The following SVOPL variants were observed in gnomAD, a reference collection of about 807,000 sequenced individuals.
SVOPL encodes the protein putative transporter SVOPL.
A neutral mutation model predicts 61.0 loss-of-function variants in SVOPL; 60 were observed. The observed-to-expected ratio is 0.98, with a 90% CI of 0.80 to 1.22. SVOPL has a LOEUF of 1.22. Among genes scored for constraint, SVOPL ranks in the 50% most tolerant of loss-of-function variants. The pLI is 0.00. For synonymous variants in SVOPL, 279 were observed against 250.0 expected, an observed-to-expected ratio of 1.12 and a Z score of -1.09; for missense variants, 662 against 643.9, an observed-to-expected ratio of 1.03 and a Z score of -0.30.
chr7:138,602,441 C>CTGTA (rs1199406238), intron 14 of SVOPL, among the ~76,000 whole-genome samples: 3 of 140,690 alleles, frequency 2.1e-5, no homozygotes, highest in Admixed American at 1.5e-4. Context: ...AAGGCAGTTG[C>CTGTA]TATATATATA....
At position 138,651,464 on chromosome 7, in the gene SVOPL, G is replaced by A. The variant is rs1027281298; in HGVS notation, c.535-2327C>T. Among the ~76,000 whole-genome samples, 6 of 152,184 alleles carry A rather than the reference G, an allele frequency of 3.9e-5. No individual in the cohort carries two copies. In the South Asian group the frequency reaches 1.0e-3, roughly 26 times the overall value. ...CCTTTTAATCGTGCTTTGCTTTAGT[G>A]CACTTTGCAAATATTGCAATTTTTT... On this transcript the variant is annotated intron_variant, in intron 7 of 15. Coordinates refer to ENST00000674285, the MANE Select transcript of SVOPL (RefSeq NM_001139456.2).
At position 138,678,450 on chromosome 7, in the gene SVOPL, A is replaced by G. The variant is rs1429541263; in HGVS notation, c.158T>C (p.Ile53Thr). 3.2e-6 allele frequency: 5 copies of G among 1,551,826 alleles called. No individual in the cohort carries two copies. Among genetic ancestry groups the G allele is most frequent in the Non-Finnish European group, 4.4e-6 (5 of 1,147,042 alleles). The change falls in exon 3 of 16, where the codon ATC becomes ACC. Residue 53 changes from isoleucine to threonine, a missense_variant. By Grantham distance (89) the Ile-to-Thr change is moderately conservative. Transcript: ENST00000674285. ...AGCACTCACCCCAGTACTGCCCATGATCAGAAAGAGGGCAATGTGGAAACG... is the reference window on the plus strand; with the variant it reads ...AGCACTCACCCCAGTACTGCCCATGGTCAGAAAGAGGGCAATGTGGAAACG... ...FGRFHIALFL[I>T]MGSTGVVEAM...
chr7:138,601,800 T>C (rs1241786818), intron 14 of SVOPL, among the ~76,000 whole-genome samples: 1 of 152,178 alleles, frequency 6.6e-6, no homozygotes, highest in Non-Finnish European at 1.5e-5. Flanking sequence ...CCCTCCAACA[T>C]GCTCCTGAGT....
At chr7:138,637,638 T>C (rs1368737591) in intron 9 of SVOPL, among the ~76,000 whole-genome samples, 1 of 151,854 alleles carries the variant, frequency 6.6e-6, no homozygotes, top group East Asian at 1.9e-4. Flanking sequence ...CACAGAGATC[T>C]AACATTTAAA....
At chr7:138,627,814 T>C (rs1165538747) in intron 11 of SVOPL, among the ~76,000 whole-genome samples, 2 of 152,148 alleles carry the variant, frequency 1.3e-5, no homozygotes, top group East Asian at 1.9e-4. Context: ...CATTCAGCCA[T>C]TGATTTTTAA....
intron 7 of SVOPL, 57 bp from the exon 8 acceptor site, chr7:138,649,194 A>G: frequency 6.5e-7 from 1 of 1,535,266 alleles, no homozygotes; most frequent in Non-Finnish European, 8.8e-7. Context: ...CAATGAAAAA[A>G]AAAAAGGAAA....
intron 14 of SVOPL, among the ~76,000 whole-genome samples, chr7:138,614,279 C>G (rs537732939): frequency 6.6e-6 from 1 of 152,226 alleles, no homozygotes; most frequent in African/African-American, 2.4e-5. Context: ...CTACTTTGCT[C>G]TCTTCTGAAG....
intron 5 of SVOPL, chr7:138,662,452 G>T: frequency 1.0e-6 from 1 of 985,412 alleles, no homozygotes; most frequent in Non-Finnish European, 1.2e-6. Flanking sequence ...GGGGGTTAGA[G>T]ACTTTATGGA....
chr7:138,694,182 T>C (rs1803015190), intron 1 of SVOPL, among the ~76,000 whole-genome samples: 1 of 152,262 alleles, frequency 6.6e-6, no homozygotes, highest in Non-Finnish European at 1.5e-5. Context: ...GGACTCATCC[T>C]CATGAGATAG....
intron 4 of SVOPL, among the ~76,000 whole-genome samples, chr7:138,669,127 CT>C (rs1307832452): frequency 3.3e-5 from 5 of 152,208 alleles, no homozygotes; most frequent in Non-Finnish European, 7.3e-5. Flanking sequence ...CTGCAGTTTC[CT>C]TATCTGACCA....
At chr7:138,630,678 C>T (rs978734629) in intron 9 of SVOPL, among the ~76,000 whole-genome samples, 2 of 152,166 alleles carry the variant, frequency 1.3e-5, no homozygotes, top group Admixed American at 6.5e-5. Context: ...TGTGGGGGCT[C>T]ACGCCTGTAA....
intron 1 of SVOPL, among the ~76,000 whole-genome samples, chr7:138,698,048 T>C (rs542101572): frequency 1.1e-4 from 16 of 147,140 alleles, no homozygotes; most frequent in African/African-American, 4.0e-4. Context: ...AGAGGAGAAG[T>C]TGGCAGGAAT....
chr7:138,616,283 G>A (rs1188480055), intron 14 of SVOPL, among the ~76,000 whole-genome samples: 2 of 151,990 alleles, frequency 1.3e-5, no homozygotes, highest in Non-Finnish European at 2.9e-5. Flanking sequence ...GGCAGCCCTT[G>A]ACCTATTGGC....
At chr7:138,655,233 G>A (rs1482869298) in intron 7 of SVOPL, among the ~76,000 whole-genome samples, 2 of 152,210 alleles carry the variant, frequency 1.3e-5, no homozygotes, top group African/African-American at 4.8e-5. Flanking sequence ...GCTGGGCACA[G>A]TGCCTCACGC....
At chr7:138,616,394 T>C (rs1174463187) in intron 14 of SVOPL, among the ~76,000 whole-genome samples, 1 of 151,364 alleles carries the variant, frequency 6.6e-6, no homozygotes, top group Non-Finnish European at 1.5e-5. Context: ...TGGAGTGCAA[T>C]GGCATGATCT....
chr7:138,647,082 TA>T lies in SVOPL; in HGVS notation c.660+1929del, dbSNP rs577246277. The stretch of plus-strand genomic sequence containing the variant: ...TAGGGGCCATAGATTCATACATATT[TA>T]AGAGGATGATGGCCGGGCGCAGTGG... On this transcript the variant is annotated intron_variant, in intron 8 of 15. Coordinates refer to ENST00000674285, the MANE Select transcript of SVOPL (RefSeq NM_001139456.2). Among the ~76,000 whole-genome samples, 17 of 152,196 alleles carry T rather than the reference TA, an allele frequency of 1.1e-4. No individual in the cohort carries two copies. The South Asian group carries it at 3.3e-3, about 30-fold the overall frequency.
intron 9 of SVOPL, among the ~76,000 whole-genome samples, chr7:138,633,545 C>T (rs1159070872): frequency 1.3e-5 from 2 of 151,592 alleles, no homozygotes; most frequent in East Asian, 3.9e-4. Flanking sequence ...GATGCTGGTG[C>T]CGTGATTGTA....
chr7:138,642,848 A>AAAAAAG (rs1437306629), intron 9 of SVOPL, among the ~76,000 whole-genome samples: 9 of 35,482 alleles, frequency 2.5e-4, no homozygotes, highest in Admixed American at 7.2e-4. Flanking sequence ...AAAAAAAAAA[A>AAAAAAG]AAGAAGAAAC....
At chr7:138,603,089 C>A (rs1798600029) in intron 14 of SVOPL, among the ~76,000 whole-genome samples, 2 of 152,058 alleles carry the variant, frequency 1.3e-5, no homozygotes, top group African/African-American at 4.8e-5. Context: ...ATGACTGGAA[C>A]ACACACAGAC....
Sources: gnomAD v4.1 joint callset for allele counts (sites outside exome capture counted in the v4.1 genomes callset) on GRCh38, gnomAD v4.1.1 for gene constraint, MANE v1.5 for transcripts, NCBI Gene and HGNC (gene_info 2026-07-23, HGNC 2026-07-21) for gene names.